The following PRKCA variants were observed in gnomAD, a reference collection of about 807,000 sequenced individuals.
The protein encoded by PRKCA is protein kinase C alpha.
Under a neutral mutation model 87.0 loss-of-function variants are expected in PRKCA, and 27 were observed. The ratio of observed to expected loss-of-function variants is 0.31; its 90% CI spans 0.23 to 0.43. PRKCA has a LOEUF of 0.43. Ranked by LOEUF, PRKCA falls within the 20% of genes least tolerant of loss-of-function variation. The pLI is 1.00. For synonymous variants in PRKCA, 329 were observed against 311.1 expected, an observed-to-expected ratio of 1.06 and a Z score of -0.61; for missense variants, 518 against 852.3, an observed-to-expected ratio of 0.61 and a Z score of 4.88.
At chr17:66,483,209 C>G (rs993749614) in intron 2 of PRKCA, among the ~76,000 whole-genome samples, 7 of 152,104 alleles carry the variant, frequency 4.6e-5, no homozygotes, top group African/African-American at 1.4e-4. Context: ...TACCACAAAC[C>G]GGGCAGCTTA....
intron 8 of PRKCA, among the ~76,000 whole-genome samples, chr17:66,713,085 T>C (rs1973375470): frequency 7.7e-6 from 1 of 130,050 alleles, no homozygotes; most frequent in Non-Finnish European, 1.6e-5. Flanking sequence ...GGAGTCTCAC[T>C]CTGTTGCCCA....
intron 3 of PRKCA, among the ~76,000 whole-genome samples, chr17:66,505,391 C>T (rs922778443): frequency 1.3e-4 from 20 of 152,168 alleles, no homozygotes; most frequent in Admixed American, 9.8e-4. Context: ...GGAAAAAATG[C>T]GCGACGTAAT....
At chr17:66,550,499 A>G (rs970954094) in intron 3 of PRKCA, among the ~76,000 whole-genome samples, 1 of 152,090 alleles carries the variant, frequency 6.6e-6, no homozygotes, top group Non-Finnish European at 1.5e-5. Context: ...AAATACAAAA[A>G]TTAGCTGGGT....
chr17:66,709,338 T>G, intron 8 of PRKCA, among the ~76,000 whole-genome samples: 1 of 128,136 alleles, frequency 7.8e-6, no homozygotes. Context: ...TGAGATAGAG[T>G]GTTGCTTTTG....
At position 66,462,911 on chromosome 17, in the gene PRKCA, C is replaced by T. The variant is rs562236257; in HGVS notation, c.206-33290C>T. 1.7e-4 allele frequency among the ~76,000 whole-genome samples: 26 copies of T among 148,906 alleles called. No individual in the cohort carries two copies. The South Asian group carries it at 4.7e-3, about 27-fold the overall frequency. On this transcript the variant is annotated intron_variant, in intron 2 of 16. Coordinates refer to ENST00000413366, the MANE Select transcript of PRKCA (RefSeq NM_002737.3). ...TTACAAAGACATGCACACACATGCA[C>T]GTGCACACATGCAAACACACACACA...
rs561542838 is a variant in PRKCA, at chr17:66,469,150, C to T, written c.206-27051C>T. Among the ~76,000 whole-genome samples the T allele has an allele frequency of 7.0e-4, 107 of 152,288 alleles. No homozygotes were observed. In the Middle Eastern group the frequency reaches 0.014, roughly 19 times the overall value. ...TTCTGTCCACATTCCAGTCGTTCACCATCTCGAGAACACTGGGGCACCCTC... is the reference window on the plus strand; with the variant it reads ...TTCTGTCCACATTCCAGTCGTTCACTATCTCGAGAACACTGGGGCACCCTC... On this transcript the variant is annotated intron_variant, in intron 2 of 16. Transcript: ENST00000413366.
intron 2 of PRKCA, among the ~76,000 whole-genome samples, chr17:66,460,974 G>A (rs1224532907): frequency 6.6e-6 from 1 of 152,122 alleles, no homozygotes; most frequent in Non-Finnish European, 1.5e-5. Flanking sequence ...GGGAGGTTGA[G>A]GCGGGTGGAT....
At chr17:66,799,364 ATGG>A (rs1201149047) in intron 16 of PRKCA, among the ~76,000 whole-genome samples, 2 of 1,074 alleles carry the variant, frequency 1.9e-3, no homozygotes, top group African/African-American at 0.012. Context: ...GGTGGTGGTG[ATGG>A]TGGTGGTGGT....
chr17:66,350,779 C>A (rs754249664), intron 2 of PRKCA, among the ~76,000 whole-genome samples: 26 of 152,152 alleles, frequency 1.7e-4, no homozygotes, highest in Admixed American at 3.3e-4. Context: ...CTTGCCTTGG[C>A]CTCCCAAACT....
chr17:66,394,185 C>A (rs1450182952), intron 2 of PRKCA, among the ~76,000 whole-genome samples: 1 of 152,188 alleles, frequency 6.6e-6, no homozygotes, highest in Non-Finnish European at 1.5e-5. Context: ...CATTTTACCA[C>A]AAAGAAATGT....
At chr17:66,357,296 G>C (rs984549258) in intron 2 of PRKCA, among the ~76,000 whole-genome samples, 2 of 152,130 alleles carry the variant, frequency 1.3e-5, no homozygotes, top group African/African-American at 4.8e-5. Flanking sequence ...AGTCACACTT[G>C]GGTCTTGCAT....
intron 8 of PRKCA, among the ~76,000 whole-genome samples, chr17:66,724,345 C>G (rs552800118): frequency 4.5e-4 from 69 of 152,058 alleles, no homozygotes; most frequent in Middle Eastern, 3.4e-3. Context: ...AAAGGAGATT[C>G]CTCCTGGTGC....
At chr17:66,649,228 C>T (rs1971528699) in intron 5 of PRKCA, among the ~76,000 whole-genome samples, 1 of 152,200 alleles carries the variant, frequency 6.6e-6, no homozygotes, top group African/African-American at 2.4e-5. Flanking sequence ...TGGTACTAAG[C>T]AGAGCCCCCT....
intron 2 of PRKCA, among the ~76,000 whole-genome samples, chr17:66,404,670 G>A (rs1001763594): frequency 1.6e-4 from 23 of 146,464 alleles, no homozygotes; most frequent in African/African-American, 5.3e-4. Flanking sequence ...TATTCACCCT[G>A]AATCTTCTGC....
chr17:66,479,134 C>G (rs1915663692), intron 2 of PRKCA, among the ~76,000 whole-genome samples: 1 of 152,040 alleles, frequency 6.6e-6, no homozygotes, highest in Admixed American at 6.5e-5. Flanking sequence ...CAGCAAAGAT[C>G]TAATATCCAA....
intron 13 of PRKCA, among the ~76,000 whole-genome samples, chr17:66,764,589 T>C (rs1598926308): frequency 6.6e-6 from 1 of 152,348 alleles, no homozygotes; most frequent in African/African-American, 2.4e-5. Flanking sequence ...CTTGTAAGTA[T>C]AATAATAATG....
intron 2 of PRKCA, among the ~76,000 whole-genome samples, chr17:66,338,677 A>G (rs1222447759): frequency 3.3e-5 from 5 of 152,190 alleles, no homozygotes; most frequent in Non-Finnish European, 7.3e-5. Flanking sequence ...TCTGCAGCTG[A>G]ATCTGGGCTT....
intron 3 of PRKCA, among the ~76,000 whole-genome samples, chr17:66,621,403 C>T (rs570553743): frequency 2.6e-4 from 39 of 152,256 alleles, no homozygotes; most frequent in South Asian, 1.2e-3. Flanking sequence ...AACCCTATTT[C>T]CTCGTATTCT....
chr17:66,415,850 A>G (rs959391273), intron 2 of PRKCA: 2 of 152,190 alleles, frequency 1.3e-5, no homozygotes, highest in South Asian at 2.1e-4. Context: ...GAATCCGTCC[A>G]TATAAAATGC....
Sources: gnomAD v4.1 joint callset for allele counts (sites outside exome capture counted in the v4.1 genomes callset) on GRCh38, gnomAD v4.1.1 for gene constraint, MANE v1.5 for transcripts, NCBI Gene and HGNC (gene_info 2026-07-23, HGNC 2026-07-21) for gene names.